The following CCDC122 variants were observed in gnomAD, a reference collection of about 807,000 sequenced individuals.
The protein encoded by CCDC122 is coiled-coil domain containing 122, also known as coiled-coil domain-containing protein 122.
Under a neutral mutation model 37.0 loss-of-function variants are expected in CCDC122, and 38 were observed. The observed-to-expected ratio is 1.03, with a 90% CI of 0.79 to 1.35. CCDC122 has a LOEUF of 1.35. Among genes scored for constraint, CCDC122 ranks in the 40% most tolerant of loss-of-function variants. The pLI, the probability that CCDC122 is intolerant of heterozygous loss-of-function variation, is 0.00. For synonymous variants in CCDC122, 83 were observed against 95.6 expected, an observed-to-expected ratio of 0.87 and a Z score of 0.77; for missense variants, 305 against 310.0, an observed-to-expected ratio of 0.98 and a Z score of 0.12.
chr13:43,865,389 C>T (rs902280984), intron 4 of CCDC122, among the ~76,000 whole-genome samples: 4 of 152,060 alleles, frequency 2.6e-5, no homozygotes, highest in African/African-American at 9.7e-5. Flanking sequence ...CCCTCCTTAT[C>T]CAAGGGGAAT....
intron 3 of CCDC122, among the ~76,000 whole-genome samples, chr13:43,830,313 G>A (rs1953077953): frequency 6.6e-6 from 1 of 152,192 alleles, no homozygotes; most frequent in Non-Finnish European, 1.5e-5. Context: ...ACAGGGAGTG[G>A]AATAGTCATC....
At chr13:43,854,439 C>T (rs1953841413) in intron 6 of CCDC122, 1 of 152,138 alleles carries the variant, frequency 6.6e-6, no homozygotes, top group Non-Finnish European at 1.5e-5. Flanking sequence ...GAAATCGAAT[C>T]TCTGAACAGA....
intron 2 of CCDC122, among the ~76,000 whole-genome samples, chr13:43,869,812 T>A (rs1954389518): frequency 6.6e-6 from 1 of 152,046 alleles, no homozygotes; most frequent in Admixed American, 6.6e-5. Flanking sequence ...AGTACTATGA[T>A]GAAATAGATT....
At chr13:43,846,235 C>A (rs550668860) in intron 6 of CCDC122, among the ~76,000 whole-genome samples, 5 of 151,996 alleles carry the variant, frequency 3.3e-5, no homozygotes, top group Non-Finnish European at 7.4e-5. Context: ...CCACCACGCC[C>A]GGCTAATTTT....
At chr13:43,821,299 C>T (rs565467220), downstream of CCDC122, among the ~76,000 whole-genome samples, 6 of 152,342 alleles carry the variant, frequency 3.9e-5, no homozygotes, top group South Asian at 1.2e-3. Context: ...TCTTGGCTCA[C>T]TGCAACCTCC....
intron 4 of CCDC122, 48 bp downstream of exon 4, chr13:43,868,646 A>T: frequency 1.0e-6 from 1 of 960,244 alleles, no homozygotes; most frequent in Non-Finnish European, 1.5e-6. Flanking sequence ...CTGGTCATTT[A>T]CTTTTGAAGA....
intron 4 of CCDC122, 68 bp from the exon 5 acceptor site, chr13:43,860,138 T>C (rs1056818922): frequency 1.3e-6 from 1 of 792,146 alleles, no homozygotes; most frequent in Non-Finnish European, 1.8e-6. Context: ...ATCAATGTTT[T>C]AATCCATAAT....
At chr13:43,854,082 G>C (rs1325901992) in intron 6 of CCDC122, 2 of 151,964 alleles carry the variant, frequency 1.3e-5, no homozygotes, top group Non-Finnish European at 2.9e-5. Flanking sequence ...AAAAGAACTA[G>C]AGAACCAAAA....
intron 4 of CCDC122, among the ~76,000 whole-genome samples, chr13:43,861,542 T>C (rs539915884): frequency 1.3e-5 from 2 of 152,318 alleles, no homozygotes; most frequent in African/African-American, 4.8e-5. Flanking sequence ...AAAATAACTC[T>C]GTAGGCCATC....
chr13:43,837,132 T>G lies in CCDC122; in HGVS notation c.*148A>C, dbSNP rs1953189865. 2 of 725,674 alleles carry G rather than the reference T, an allele frequency of 2.8e-6. No homozygotes were observed. Among genetic ancestry groups the G allele is most frequent in the African/African-American group, 3.6e-5 (2 of 56,110 alleles). 45.0% of individuals were successfully genotyped at this position (725,674 alleles called of 1,614,324 possible). A position where few individuals can be genotyped will look rare whatever the true frequency, so the allele number is the denominator to read the frequency against. ...CATTTTAACAAATCGATGACTGATT[T>G]AAAAAAAACAACAACCGAAGACATC... On this transcript the variant is annotated 3_prime_UTR_variant, in exon 7 of 7. Coordinates refer to ENST00000444614, the MANE Select transcript of CCDC122 (RefSeq NM_144974.5).
At chr13:43,863,499 A>T (rs1046014248) in intron 4 of CCDC122, among the ~76,000 whole-genome samples, 1 of 152,204 alleles carries the variant, frequency 6.6e-6, no homozygotes, top group Non-Finnish European at 1.5e-5. Context: ...CCTAAAAGTT[A>T]AATGGCTAGA....
chr13:43,874,181 T>C (rs1954535477), intron 2 of CCDC122, among the ~76,000 whole-genome samples: 2 of 152,178 alleles, frequency 1.3e-5, no homozygotes, highest in African/African-American at 2.4e-5. Flanking sequence ...TAAATCTAGA[T>C]TGCACTACTT....
intron 2 of CCDC122, 155 bp downstream of exon 2, chr13:43,874,687 A>T (rs1020007525): frequency 1.3e-5 from 2 of 152,224 alleles, no homozygotes; most frequent in African/African-American, 4.8e-5. Context: ...ATGAAAACAA[A>T]CTACTGCCAT....
chr13:43,873,113 C>T (rs1216514580), intron 2 of CCDC122, among the ~76,000 whole-genome samples: 2 of 152,086 alleles, frequency 1.3e-5, no homozygotes, highest in Non-Finnish European at 2.9e-5. Context: ...CCCTTCTCAT[C>T]TTTTTCACTT....
At chr13:43,866,852 A>G (rs1007823911) in intron 4 of CCDC122, among the ~76,000 whole-genome samples, 8 of 151,424 alleles carry the variant, frequency 5.3e-5, no homozygotes, top group Non-Finnish European at 8.8e-5. Flanking sequence ...ATTTTCTTTA[A>G]AAAAAAATGC....
chr13:43,838,545 A>C (rs1953237749), intron 6 of CCDC122, among the ~76,000 whole-genome samples: 1 of 152,210 alleles, frequency 6.6e-6, no homozygotes, highest in South Asian at 2.1e-4. Context: ...TAAAGTGTAC[A>C]ACTCAAGGGC....
chr13:43,834,154 G>A (rs1053631429), downstream of CCDC122, among the ~76,000 whole-genome samples: 12 of 152,094 alleles, frequency 7.9e-5, no homozygotes, highest in East Asian at 5.8e-4. Flanking sequence ...AAATAATGCC[G>A]CATATCTACA....
At chr13:43,848,009 A>C (rs1953600863) in intron 6 of CCDC122, among the ~76,000 whole-genome samples, 1 of 152,188 alleles carries the variant, frequency 6.6e-6, no homozygotes, top group African/African-American at 2.4e-5. Context: ...TCTTGGGCTC[A>C]AGTGATCCAC....
At chr13:43,857,616 T>C (rs1327675006) in intron 6 of CCDC122, among the ~76,000 whole-genome samples, 4 of 152,104 alleles carry the variant, frequency 2.6e-5, no homozygotes, top group Non-Finnish European at 1.5e-5. Flanking sequence ...TAATAATTTT[T>C]TTCTGGCCGG....
Sources: allele counts gnomAD v4.1 joint callset (sites outside exome capture counted in the v4.1 genomes callset), GRCh38; gene constraint gnomAD v4.1.1; transcripts MANE v1.5; gene names NCBI Gene and HGNC (gene_info 2026-07-23, HGNC 2026-07-21).